The following RIC8B variants were observed in gnomAD, a reference collection of about 807,000 sequenced individuals.
The protein encoded by RIC8B is RIC8 guanine nucleotide exchange factor B, also known as chaperone Ric-8B.
A neutral mutation model predicts 57.5 loss-of-function variants in RIC8B; 16 were observed. That is an observed-to-expected ratio of 0.28 (90% CI 0.19 to 0.42). RIC8B has a LOEUF of 0.42. Ranked by LOEUF, RIC8B falls within the 10% of genes least tolerant of loss-of-function variation. The pLI is 1.00. For synonymous variants in RIC8B, 216 were observed against 250.8 expected (o/e 0.86, Z 1.31); for missense variants, 481 against 677.0 (o/e 0.71, Z 3.21).
intron 9 of RIC8B, chr12:106,871,569 TAAATC>T (rs1457729329): frequency 1.3e-5 from 2 of 150,056 alleles, no homozygotes; most frequent in African/African-American, 4.9e-5. Flanking sequence ...TTGAAATAAT[TAAATC>T]AAGTATATAC....
chr12:106,861,978 T>C (rs1949960825), intron 8 of RIC8B, among the ~76,000 whole-genome samples: 1 of 152,090 alleles, frequency 6.6e-6, no homozygotes, highest in African/African-American at 2.4e-5. Context: ...GTCATATATG[T>C]AGCAAGCGCC....
chr12:106,836,354 C>A (rs1038341168), intron 4 of RIC8B, among the ~76,000 whole-genome samples: 1 of 152,116 alleles, frequency 6.6e-6, no homozygotes, highest in Non-Finnish European at 1.5e-5. Flanking sequence ...CCCTCTGTAA[C>A]CCTGATCTCC....
At chr12:106,868,921 G>GTGA (rs1950267612) in intron 8 of RIC8B, among the ~76,000 whole-genome samples, 1 of 137,528 alleles carries the variant, frequency 7.3e-6, no homozygotes, top group Admixed American at 8.0e-5. Flanking sequence ...AGTTTCTCAA[G>GTGA]TGATTCTAAT....
intron 4 of RIC8B, 115 bp downstream of exon 4, chr12:106,825,935 A>G (rs1187773113): frequency 1.5e-6 from 1 of 683,802 alleles, no homozygotes; most frequent in Non-Finnish European, 2.6e-6. Flanking sequence ...ACAGTAAATC[A>G]GGTAACTGGT....
rs1053371281 is a variant in RIC8B, at chr12:106,887,981, A to C, written c.*1966A>C. On this transcript the variant is annotated 3_prime_UTR_variant, in exon 10 of 10. Coordinates refer to ENST00000392837, the MANE Select transcript of RIC8B (RefSeq NM_001330145.2). ...AGTGACCCAGGTTTTAACCAACAGC[A>C]AAAGAAATGGGCAATTCATAATTTT... is the stretch of plus-strand genomic sequence containing the variant. 5 of 152,666 alleles carry C rather than the reference A, an allele frequency of 3.3e-5. No individual in the cohort carries two copies. Among genetic ancestry groups the C allele is most frequent in the African/African-American group, 1.2e-4 (5 of 41,470 alleles). The allele number at this position is 152,666 out of a possible 1,614,324, so 9.5% of individuals were successfully genotyped here.
Position 106,813,811 on chromosome 12 carries a change from C to A in RIC8B, c.133-885C>A, listed in dbSNP as rs114743836. On this transcript the variant is annotated intron_variant, in intron 2 of 9. Transcript: ENST00000392837. Reference sequence around the variant, plus strand: ...TTCGGTGATAGAGTAGTTATACCTGCTTGCCTCACATATAAGGGTAAGCTT... The same window carrying A: ...TTCGGTGATAGAGTAGTTATACCTGATTGCCTCACATATAAGGGTAAGCTT... 4.6e-3 allele frequency among the ~76,000 whole-genome samples: 697 copies of A among 152,222 alleles called. 4 individuals are homozygous for A. Among genetic ancestry groups the A allele is most frequent in the African/African-American group, 0.016 (672 of 41,538 alleles).
Position 106,842,625 on chromosome 12 carries a change from T to C in RIC8B, c.873T>C (p.Ser291=), listed in dbSNP as rs112286691. ...ACCTTTTAAGCAATGTTCCAGTCTC[T>C]TGTTTGGATGTTCTCATTTGTCCGT... ...AVNLLSNVPV[S]CLDVLICPLT... is the part of the protein sequence containing the mutation. The change falls in exon 5 of 10, where the codon TCT becomes TCC. Residue 291 remains serine, a synonymous_variant. Transcript: ENST00000392837. 182 of 1,614,094 alleles carry C rather than the reference T, an allele frequency of 1.1e-4. 2 individuals are homozygous for C. In the African/African-American group the frequency reaches 1.6e-3, roughly 14 times the overall value.
At position 106,831,321 on chromosome 12, in the gene RIC8B, C is replaced by G. The variant is rs538684259; in HGVS notation, c.836+5501C>G. Among the ~76,000 whole-genome samples the G allele has an allele frequency of 5.2e-4, 79 of 152,290 alleles. 1 individual carries two copies. Among genetic ancestry groups the G allele is most frequent in the African/African-American group, 1.8e-3 (73 of 41,564 alleles). On this transcript the variant is annotated intron_variant, in intron 4 of 9. Coordinates refer to ENST00000392837, the MANE Select transcript of RIC8B (RefSeq NM_001330145.2). Reference sequence around the variant, plus strand: ...CTTTAAGTCCTTTCGTGGCTCTTCTCTGTCTTAAGGATTAAGAGAAAAAAA... The same window carrying G: ...CTTTAAGTCCTTTCGTGGCTCTTCTGTGTCTTAAGGATTAAGAGAAAAAAA...
chr12:106,854,116 G>A (rs992068709), intron 7 of RIC8B, among the ~76,000 whole-genome samples: 4 of 152,230 alleles, frequency 2.6e-5, no homozygotes, highest in Non-Finnish European at 4.4e-5. Context: ...ATTTAGCAGC[G>A]ACTGATGGTT....
chr12:106,856,806 G>A (rs1407495636), intron 7 of RIC8B, among the ~76,000 whole-genome samples: 1 of 152,148 alleles, frequency 6.6e-6, no homozygotes, highest in Non-Finnish European at 1.5e-5. Flanking sequence ...GCAAATGCTT[G>A]TGCTCTCTAT....
chr12:106,833,857 G>A (rs1006353841), intron 4 of RIC8B, among the ~76,000 whole-genome samples: 3 of 152,082 alleles, frequency 2.0e-5, no homozygotes, highest in Non-Finnish European at 2.9e-5. Context: ...GCTTGGTGCT[G>A]TCCTCCCCAT....
At chr12:106,829,408 G>A (rs549682866) in intron 4 of RIC8B, among the ~76,000 whole-genome samples, 30 of 152,228 alleles carry the variant, frequency 2.0e-4, no homozygotes, top group African/African-American at 7.2e-4. Context: ...GACCAGATTT[G>A]ATTTAATTTA....
chr12:106,843,767 G>A, intron 5 of RIC8B, 85 bp from the exon 6 acceptor site: 1 of 623,892 alleles, frequency 1.6e-6, no homozygotes, highest in South Asian at 2.2e-5. Flanking sequence ...AAAACAAATT[G>A]ATATCCTCAG....
chr12:106,850,236 G>T (rs918949191), intron 6 of RIC8B, among the ~76,000 whole-genome samples: 1 of 152,180 alleles, frequency 6.6e-6, no homozygotes, highest in African/African-American at 2.4e-5. Context: ...CATGAAACTG[G>T]CCAAGTCCCT....
At chr12:106,869,904 A>C (rs1480293749) in intron 8 of RIC8B, among the ~76,000 whole-genome samples, 1 of 152,210 alleles carries the variant, frequency 6.6e-6, no homozygotes, top group Non-Finnish European at 1.5e-5. Context: ...GTGCGACTGC[A>C]CTCCAACGTG....
In RIC8B at chr12:106,877,870, C is replaced by T. The variant is rs542456821; in HGVS notation, c.1571+6928C>T. ...TTAGTGTTAAGTGTATTTTATGTGA[C>T]GCAAGACAATTCTTCTTCCAGTGTG... On this transcript the variant is annotated intron_variant, in intron 9 of 9. Coordinates refer to ENST00000392837, the MANE Select transcript of RIC8B (RefSeq NM_001330145.2). Among the ~76,000 whole-genome samples, 40 of 152,162 alleles carry T rather than the reference C, an allele frequency of 2.6e-4. 1 individual carries two copies. Among genetic ancestry groups the T allele is most frequent in the Middle Eastern group, 3.4e-3 (1 of 294 alleles).
At chr12:106,806,283 G>A (rs1479449568) in intron 2 of RIC8B, among the ~76,000 whole-genome samples, 2 of 152,144 alleles carry the variant, frequency 1.3e-5, no homozygotes, top group African/African-American at 4.8e-5. Context: ...TTGTGCTCTA[G>A]CATTGCCAGG....
intron 4 of RIC8B, among the ~76,000 whole-genome samples, chr12:106,840,878 A>G (rs1421725267): frequency 6.6e-6 from 1 of 152,158 alleles, no homozygotes; most frequent in South Asian, 2.1e-4. Context: ...TTAAGAGCCT[A>G]TTGCCTGATG....
At chr12:106,825,964 A>G (rs1238373600) in intron 4 of RIC8B, 144 bp downstream of exon 4, 17 of 604,200 alleles carry the variant, frequency 2.8e-5, no homozygotes, top group Admixed American at 5.2e-5. Context: ...AATCATTATC[A>G]TGGAAATCAT....
Sources: gnomAD v4.1 joint callset for allele counts (sites outside exome capture counted in the v4.1 genomes callset) on GRCh38, gnomAD v4.1.1 for gene constraint, MANE v1.5 for transcripts, NCBI Gene and HGNC (gene_info 2026-07-23, HGNC 2026-07-21) for gene names.